Variants in POLR3B observed in about 807,000 individuals in gnomAD.
POLR3B encodes the protein RNA polymerase III subunit B, also known as DNA-directed RNA polymerase III subunit RPC2.
Under a neutral mutation model 147.4 loss-of-function variants are expected in POLR3B, and 96 were observed. The ratio of observed to expected loss-of-function variants is 0.65; its 90% CI spans 0.55 to 0.77. POLR3B has a LOEUF of 0.77. POLR3B is among the 30% of genes least tolerant of loss of function. POLR3B has a pLI of 0.00. For synonymous variants in POLR3B, 461 were observed against 485.9 expected, an observed-to-expected ratio of 0.95 and a Z score of 0.67; for missense variants, 1,036 against 1,413.5, an observed-to-expected ratio of 0.73 and a Z score of 4.28.
chr12:106,431,962 T>A (rs191604435), intron 14 of POLR3B, among the ~76,000 whole-genome samples: 1 of 152,362 alleles, frequency 6.6e-6, no homozygotes, highest in East Asian at 1.9e-4. Flanking sequence ...TTTACTTATT[T>A]TATACAATGT....
At chr12:106,449,953 A>G (rs754202649) in intron 19 of POLR3B, among the ~76,000 whole-genome samples, 11 of 152,216 alleles carry the variant, frequency 7.2e-5, no homozygotes, top group Non-Finnish European at 1.3e-4. Flanking sequence ...GAATTTTGAA[A>G]CAAAGAATAA....
intron 25 of POLR3B, chr12:106,500,085 G>T (rs7137638): frequency 0.56 from 254,136 of 455,650 alleles, 72,061 homozygotes; most frequent in East Asian, 0.74. Context: ...CCTGTCGGGC[G>T]CTCTGTGTCC....
At chr12:106,507,834 T>G (rs1475653301) in intron 27 of POLR3B, 1 of 455,640 alleles carries the variant, frequency 2.2e-6, no homozygotes, top group Non-Finnish European at 4.4e-6. Context: ...AGCTTTATTT[T>G]ACTGATTGCA....
At chr12:106,455,895 T>C (rs1372838246) in intron 20 of POLR3B, among the ~76,000 whole-genome samples, 1 of 152,186 alleles carries the variant, frequency 6.6e-6, no homozygotes, top group African/African-American at 2.4e-5. Flanking sequence ...ACCTTCATAT[T>C]TAAAAAATTA....
intron 13 of POLR3B, among the ~76,000 whole-genome samples, chr12:106,428,864 A>G (rs951519450): frequency 2.0e-5 from 3 of 152,214 alleles, no homozygotes; most frequent in African/African-American, 4.8e-5. Flanking sequence ...GATCTTCACT[A>G]TAACAGTGAG....
At position 106,363,800 on chromosome 12, in the gene POLR3B, C is replaced by T. The variant is rs1006667699; in HGVS notation, c.73-70C>T. ...TTACTTTCCTTTGCTTATTTTGGAA[C>T]ATTAAAATAACTTATGAAAGTACTG... On this transcript the variant is annotated intron_variant, in intron 1 of 27. Coordinates refer to ENST00000228347, the MANE Select transcript of POLR3B (RefSeq NM_018082.6). The T allele has an allele frequency of 1.1e-4, 128 of 1,170,012 alleles. No homozygotes were observed. The East Asian group carries it at 2.9e-3, about 26-fold the overall frequency. The allele number at this position is 1,170,012 out of a possible 1,614,324, so 72.5% of individuals were successfully genotyped here. A position where few individuals can be genotyped will look rare whatever the true frequency, so the allele number is the denominator to read the frequency against.
intron 9 of POLR3B, among the ~76,000 whole-genome samples, chr12:106,380,567 AG>A (rs1234147404): frequency 1.3e-5 from 2 of 152,136 alleles, no homozygotes; most frequent in Admixed American, 6.6e-5. Flanking sequence ...TGGACAACAT[AG>A]TGAGAACTCA....
chr12:106,445,117 C>G (rs1017054221), intron 19 of POLR3B, among the ~76,000 whole-genome samples: 1 of 152,150 alleles, frequency 6.6e-6, no homozygotes, highest in Non-Finnish European at 1.5e-5. Context: ...TTTCCTTCCT[C>G]TTTCTCTTTG....
At chr12:106,425,109 C>G (rs113704374) in intron 12 of POLR3B, among the ~76,000 whole-genome samples, 3,398 of 152,100 alleles carry the variant, frequency 0.022, 52 homozygotes, top group Middle Eastern at 0.041. Context: ...ATTTATTTAT[C>G]TTGTCCTATG....
At chr12:106,451,625 A>C (rs957768480) in intron 19 of POLR3B, among the ~76,000 whole-genome samples, 1 of 104,800 alleles carries the variant, frequency 9.5e-6, no homozygotes. Flanking sequence ...CTGTTATTTA[A>C]AAAAAGGCGG....
intron 23 of POLR3B, among the ~76,000 whole-genome samples, chr12:106,486,061 G>T (rs113748638): frequency 6.6e-5 from 10 of 151,858 alleles, no homozygotes; most frequent in Non-Finnish European, 1.2e-4. Context: ...AGGCCGAGGC[G>T]GGCAGATCAC....
intron 9 of POLR3B, among the ~76,000 whole-genome samples, chr12:106,384,435 A>C (rs747280307): frequency 2.6e-5 from 4 of 152,230 alleles, no homozygotes; most frequent in Non-Finnish European, 5.9e-5. Context: ...CATAACCCCA[A>C]AATCAATACT....
intron 23 of POLR3B, among the ~76,000 whole-genome samples, chr12:106,490,344 C>G (rs570746244): frequency 1.3e-5 from 2 of 152,236 alleles, no homozygotes; most frequent in South Asian, 2.1e-4. Flanking sequence ...ATTAATCAGC[C>G]CTTTGTGCGC....
At chr12:106,414,534 ACT>A (rs2037275721) in intron 12 of POLR3B, among the ~76,000 whole-genome samples, 1 of 151,810 alleles carries the variant, frequency 6.6e-6, no homozygotes, top group African/African-American at 2.4e-5. Flanking sequence ...TTGTCACTGA[ACT>A]CTGATTTAGT....
chr12:106,358,070 C>A (rs914422194), intron 1 of POLR3B, 119 bp downstream of exon 1: 1 of 1,544,160 alleles, frequency 6.5e-7, no homozygotes, highest in Non-Finnish European at 8.7e-7. Context: ...CGCCGGGCTT[C>A]TGCGCATGCC....
intron 23 of POLR3B, among the ~76,000 whole-genome samples, chr12:106,469,631 G>T (rs1169041794): frequency 6.6e-6 from 1 of 152,180 alleles, no homozygotes; most frequent in Non-Finnish European, 1.5e-5. Flanking sequence ...AGGAGCTCTT[G>T]TAAGGCAGGC....
intron 23 of POLR3B, among the ~76,000 whole-genome samples, chr12:106,490,852 T>C (rs2038397923): frequency 6.6e-6 from 1 of 152,364 alleles, no homozygotes; most frequent in Middle Eastern, 3.4e-3. Flanking sequence ...TTCCTACTGC[T>C]TCTTTGGCCC....
intron 12 of POLR3B, among the ~76,000 whole-genome samples, chr12:106,425,789 A>G (rs2037426827): frequency 6.6e-6 from 1 of 152,130 alleles, no homozygotes; most frequent in Non-Finnish European, 1.5e-5. Flanking sequence ...TGATTCCTTC[A>G]ATTACACTAT....
At chr12:106,374,357 A>G (rs772083485) in intron 6 of POLR3B, among the ~76,000 whole-genome samples, 1 of 151,958 alleles carries the variant, frequency 6.6e-6, no homozygotes, top group Admixed American at 6.6e-5. Flanking sequence ...AACTGGGACT[A>G]TAAGTGCACC....
Sources: gnomAD v4.1 joint callset for allele counts (sites outside exome capture counted in the v4.1 genomes callset) on GRCh38, gnomAD v4.1.1 for gene constraint, MANE v1.5 for transcripts, NCBI Gene and HGNC (gene_info 2026-07-23, HGNC 2026-07-21) for gene names.